The following ADAMTS19 variants were observed in gnomAD, a reference collection of about 807,000 sequenced individuals.
ADAMTS19 encodes the protein ADAM metallopeptidase with thrombospondin type 1 motif 19.
Under a neutral mutation model 153.3 loss-of-function variants are expected in ADAMTS19, and 93 were observed. The ratio of observed to expected loss-of-function variants is 0.61; its 90% CI spans 0.51 to 0.72. The LOEUF is 0.72. Among genes scored for constraint, ADAMTS19 ranks in the 30% least tolerant of loss-of-function variants. The pLI is 0.00. For synonymous variants in ADAMTS19, 600 were observed against 556.6 expected (o/e 1.08, Z -1.10); for missense variants, 1,482 against 1,552.1 (o/e 0.95, Z 0.76).
intron 6 of ADAMTS19, among the ~76,000 whole-genome samples, chr5:129,536,257 G>A (rs895219329): frequency 6.6e-6 from 1 of 152,146 alleles, no homozygotes; most frequent in African/African-American, 2.4e-5. Context: ...CAAAGTATAT[G>A]AACAGACACT....
rs150125673 is a variant in ADAMTS19 at position 129,502,298 on chromosome 5, T to A, written c.748-6779T>A. 7.1e-4 allele frequency among the ~76,000 whole-genome samples: 108 copies of A among 151,792 alleles called. 2 individuals carry two copies. Among genetic ancestry groups the A allele is most frequent in the African/African-American group, 2.5e-3 (104 of 41,360 alleles). On this transcript the variant is annotated intron_variant, in intron 2 of 22. Transcript: ENST00000274487. ...TTTCTGAAGTTTGGTGATTTGGGGG[T>A]GGGGACTAGAATGTAAGTAAAAATT...
In ADAMTS19 at chr5:129,654,422, G is replaced by T; in HGVS notation, c.2293G>T (p.Gly765Cys). The T allele has an allele frequency of 6.2e-7, 1 of 1,609,276 alleles. No homozygotes were observed. The highest frequency in any genetic ancestry group is 8.5e-7 in the Non-Finnish European group (1 of 1,178,942). Residue 765 changes from glycine (G) to cysteine (C), a missense_variant, in exon 14 of 23, where the codon GGC becomes TGC. Transcript: ENST00000274487. ...TCAGGGATTAGATATCTGTGCAAAT[G>T]GCAGGTGCCAGGTAAGACATTCCAA... Reference protein sequence around the residue: ...GYQGLDICANGRCQKVGCDGL... With the variant: ...GYQGLDICANCRCQKVGCDGL...
chr5:129,675,991 C>T (rs1318626606), intron 16 of ADAMTS19, among the ~76,000 whole-genome samples: 7 of 152,106 alleles, frequency 4.6e-5, no homozygotes, highest in African/African-American at 9.6e-5. Context: ...AATGAGATGG[C>T]GCCACTGCAC....
rs182677150 is a variant in ADAMTS19, at chr5:129,520,834, A to G, written c.914-5450A>G. On this transcript the variant is annotated intron_variant, in intron 3 of 22. Coordinates refer to ENST00000274487, the MANE Select transcript of ADAMTS19 (RefSeq NM_133638.6). ...GGTTTTCTCTTATCTGCTGAAGCTC[A>G]TCGCTCAGGACCCTAAGTCTCAGCT... 3.8e-3 allele frequency among the ~76,000 whole-genome samples: 583 copies of G among 152,244 alleles called. 5 individuals carry two copies. The highest frequency in any genetic ancestry group is 0.013 in the African/African-American group (541 of 41,536).
intron 21 of ADAMTS19, among the ~76,000 whole-genome samples, chr5:129,711,404 G>A (rs1298187435): frequency 2.0e-5 from 3 of 152,076 alleles, no homozygotes; most frequent in African/African-American, 4.8e-5. Context: ...GACTGGGCAC[G>A]GTGGCTCACG....
At chr5:129,523,890 A>G (rs1308307987) in intron 3 of ADAMTS19, among the ~76,000 whole-genome samples, 2 of 152,332 alleles carry the variant, frequency 1.3e-5, no homozygotes, top group African/African-American at 2.4e-5. Flanking sequence ...CATACTGCCC[A>G]AAGTAATTTA....
At chr5:129,478,119 G>A (rs1442931317) in intron 2 of ADAMTS19, among the ~76,000 whole-genome samples, 1 of 152,300 alleles carries the variant, frequency 6.6e-6, no homozygotes, top group East Asian at 1.9e-4. Context: ...TCTTATGGCT[G>A]TAGTAAGGTT....
intron 9 of ADAMTS19, among the ~76,000 whole-genome samples, chr5:129,621,283 T>C (rs1232233888): frequency 1.3e-5 from 2 of 152,172 alleles, no homozygotes; most frequent in Non-Finnish European, 2.9e-5. Context: ...ACTGTTATTC[T>C]CATTTTCATT....
intron 7 of ADAMTS19, among the ~76,000 whole-genome samples, chr5:129,552,400 C>T (rs1047001766): frequency 1.3e-5 from 2 of 151,814 alleles, no homozygotes; most frequent in Middle Eastern, 3.4e-3. Context: ...AAAACAGAAC[C>T]AGATAGCCAA....
At chr5:129,545,077 C>T (rs1448024668) in intron 6 of ADAMTS19, among the ~76,000 whole-genome samples, 1 of 151,844 alleles carries the variant, frequency 6.6e-6, no homozygotes, top group East Asian at 1.9e-4. Context: ...ATTGTAAGAA[C>T]CCAGAGGCAT....
intron 8 of ADAMTS19, among the ~76,000 whole-genome samples, chr5:129,610,826 A>C (rs2126953566): frequency 6.6e-6 from 1 of 152,256 alleles, no homozygotes; most frequent in South Asian, 2.1e-4. Flanking sequence ...GGCTGGGTCA[A>C]ATGGTATTTC....
intron 21 of ADAMTS19, among the ~76,000 whole-genome samples, chr5:129,721,790 G>A (rs757382884): frequency 1.3e-4 from 19 of 151,680 alleles, no homozygotes; most frequent in Admixed American, 5.9e-4. Context: ...CTGTGTTGTC[G>A]CCCTCCCTGT....
intron 6 of ADAMTS19, among the ~76,000 whole-genome samples, chr5:129,549,851 CATAT>C (rs1274268169): frequency 8.1e-6 from 1 of 122,774 alleles, no homozygotes; most frequent in African/African-American, 3.6e-5. Flanking sequence ...TCTATATATA[CATAT>C]ACATGTATCC....
At chr5:129,647,726 G>T in intron 11 of ADAMTS19, 39 bp from the exon 12 acceptor site, 1 of 1,602,978 alleles carries the variant, frequency 6.2e-7, no homozygotes, top group Admixed American at 1.7e-5. Flanking sequence ...TTTCAGTTGT[G>T]CCCTGATTTG....
intron 17 of ADAMTS19, among the ~76,000 whole-genome samples, chr5:129,682,598 T>C (rs1370028938): frequency 6.6e-6 from 1 of 152,110 alleles, no homozygotes; most frequent in Non-Finnish European, 1.5e-5. Context: ...AAACTATGTA[T>C]TAATAATAGT....
Position 129,545,285 on chromosome 5 carries a change from CT to C in ADAMTS19, c.1329-6578del, listed in dbSNP as rs1282884508. 7.2e-5 allele frequency among the ~76,000 whole-genome samples: 11 copies of C among 152,204 alleles called. No individual in the cohort carries two copies. The Middle Eastern group carries it at 0.01, about 141-fold the overall frequency. ...GTATGTATACTTAAAATTTCAATTTCTAAATTGAAGAGCAGATTAGATCCAT... is the reference window on the plus strand; with the variant it reads ...GTATGTATACTTAAAATTTCAATTTCAAATTGAAGAGCAGATTAGATCCAT... On this transcript the variant is annotated intron_variant, in intron 6 of 22. Transcript: ENST00000274487.
At chr5:129,722,289 C>T (rs1757037145) in intron 21 of ADAMTS19, among the ~76,000 whole-genome samples, 1 of 152,130 alleles carries the variant, frequency 6.6e-6, no homozygotes, top group African/African-American at 2.4e-5. Context: ...TAATAATCAC[C>T]ATTCTGACTG....
chr5:129,535,291 G>A (rs183803851), intron 6 of ADAMTS19, among the ~76,000 whole-genome samples: 209 of 152,224 alleles, frequency 1.4e-3, no homozygotes, highest in African/African-American at 4.7e-3. Flanking sequence ...GCCAAATCAT[G>A]AGTGAACTCC....
intron 15 of ADAMTS19, among the ~76,000 whole-genome samples, chr5:129,663,536 A>T (rs1268982051): frequency 6.6e-6 from 1 of 152,238 alleles, no homozygotes; most frequent in Non-Finnish European, 1.5e-5. Flanking sequence ...TCACATAACT[A>T]ATAATAAAGC....
Sources: gnomAD v4.1 joint callset for allele counts (sites outside exome capture counted in the v4.1 genomes callset) on GRCh38, gnomAD v4.1.1 for gene constraint, MANE v1.5 for transcripts, NCBI Gene and HGNC (gene_info 2026-07-23, HGNC 2026-07-21) for gene names.